TMPRSS9: variants seen among roughly 807,000 people sequenced by gnomAD.
TMPRSS9 encodes transmembrane protease serine 9.
Under a neutral mutation model 111.4 loss-of-function variants are expected in TMPRSS9, and 113 were observed. The ratio of observed to expected loss-of-function variants is 1.01; its 90% CI spans 0.87 to 1.19. TMPRSS9 has a LOEUF of 1.19. TMPRSS9 is among the 50% of genes most tolerant of loss of function. The pLI, the probability that TMPRSS9 is intolerant of heterozygous loss-of-function variation, is 0.00. For synonymous variants in TMPRSS9, 805 were observed against 659.1 expected, an observed-to-expected ratio of 1.22 and a Z score of -3.39; for missense variants, 1,803 against 1,513.1, an observed-to-expected ratio of 1.19 and a Z score of -3.18.
At position 2,420,989 on chromosome 19, in the gene TMPRSS9, G is replaced by C. The variant is rs910972997; in HGVS notation, c.2155-865G>C. Among the ~76,000 whole-genome samples, 12 of 152,212 alleles carry C rather than the reference G, an allele frequency of 7.9e-5. 1 individual carries two copies. In the South Asian group the frequency reaches 1.2e-3, roughly 16 times the overall value. ...GGAGGCCAAGGCGGGTGGATCATCTGAGGTCAGGAGTTGGAGACCAGCCTG... is the reference window on the plus strand; with the variant it reads ...GGAGGCCAAGGCGGGTGGATCATCTCAGGTCAGGAGTTGGAGACCAGCCTG... On this transcript the variant is annotated intron_variant, in intron 13 of 17. Transcript: ENST00000648592.
exon 7 of TMPRSS9, chr19:2,405,423 C>T (rs774229558): frequency 6.2e-7 from 1 of 1,607,388 alleles, no homozygotes; most frequent in Non-Finnish European, 8.5e-7. Context: ...TCGTGGGCGG[C>T]ATGGAAGCAT....
At chr19:2,410,500 A>G in intron 9 of TMPRSS9, 106 bp downstream of exon 10, 1 of 1,441,814 alleles carries the variant, frequency 6.9e-7, no homozygotes, top group Non-Finnish European at 9.3e-7. Context: ...TGAGCCCCCA[A>G]CGCCCCAGAC....
exon 15 of TMPRSS9, chr19:2,424,248 G>C: frequency 7.2e-7 from 1 of 1,388,116 alleles, no homozygotes; most frequent in African/African-American, 1.5e-5. Context: ...GCGGCGCACT[G>C]CTTCGACGTG....
chr19:2,378,485 C>T (rs1015572011), intron 1 of TMPRSS9, among the ~76,000 whole-genome samples: 29 of 151,780 alleles, frequency 1.9e-4, no homozygotes, highest in African/African-American at 6.0e-4. Flanking sequence ...TTTGGGAGGC[C>T]AAGGTGAGTG....
chr19:2,385,371 G>A (rs1450184926), upstream of TMPRSS9, among the ~76,000 whole-genome samples: 2 of 152,180 alleles, frequency 1.3e-5, no homozygotes, highest in African/African-American at 2.4e-5. Context: ...GCAGTTTCTC[G>A]CGGAAAATGG....
intron 1 of TMPRSS9, among the ~76,000 whole-genome samples, chr19:2,394,878 TTTTA>T (rs1359861499): frequency 2.6e-5 from 4 of 152,188 alleles, no homozygotes; most frequent in African/African-American, 9.7e-5. Context: ...CTCTCGTAGT[TTTTA>T]TTTAGATTTT....
At chr19:2,421,938 G>A (rs370320984) in exon 14 of TMPRSS9, 20 of 1,613,012 alleles carry the variant, frequency 1.2e-5, no homozygotes, top group South Asian at 2.2e-5. Context: ...TATTGGCTGC[G>A]CTCAGGTTAA....
Position 2,400,754 on chromosome 19 carries a change from ACC to A in TMPRSS9, c.515-1220_515-1219del, listed in dbSNP as rs1384165564. ...TTTGGGAGGCCGAGGTGGGTGGATCACCTGAGGTCAGGAGTTTGAGACCAGCC... is the reference window on the plus strand; with the variant it reads ...TTTGGGAGGCCGAGGTGGGTGGATCATGAGGTCAGGAGTTTGAGACCAGCC... On this transcript the variant is annotated intron_variant, in intron 4 of 17. Transcript: ENST00000648592. Among the ~76,000 whole-genome samples the A allele has an allele frequency of 2.0e-5, 3 of 151,534 alleles. No homozygotes were observed. The Admixed American group carries it at 2.0e-4, about 10-fold the overall frequency.
intron 13 of TMPRSS9, 69 bp from the exon 15 acceptor site, chr19:2,421,785 G>A (rs1971466974): frequency 6.7e-7 from 1 of 1,503,446 alleles, no homozygotes; most frequent in Admixed American, 2.2e-5. Flanking sequence ...AGGAACGCAG[G>A]AGGGTATGGC....
chr19:2,405,624 T>G (rs1970952760), intron 7 of TMPRSS9, 79 bp downstream of exon 8: 15 of 1,399,268 alleles, frequency 1.1e-5, no homozygotes, highest in East Asian at 2.8e-5. Flanking sequence ...GGACGTCACT[T>G]CTGGTTTCCT....
intron 4 of TMPRSS9, among the ~76,000 whole-genome samples, chr19:2,399,818 A>G (rs1198505020): frequency 6.6e-6 from 1 of 152,064 alleles, no homozygotes; most frequent in Non-Finnish European, 1.5e-5. Context: ...CCCAGGTTCA[A>G]GCAATTTTCC....
intron 1 of TMPRSS9, among the ~76,000 whole-genome samples, chr19:2,377,484 TCCC>T (rs1286521994): frequency 2.0e-4 from 3 of 14,934 alleles, no homozygotes; most frequent in African/African-American, 8.6e-4. Flanking sequence ...CTCTCCTCTC[TCCC>T]CCCCACCCCT....
chr19:2,414,429 G>A (rs1042488618), intron 10 of TMPRSS9, among the ~76,000 whole-genome samples: 6 of 151,894 alleles, frequency 4.0e-5, no homozygotes, highest in Non-Finnish European at 7.4e-5. Context: ...TAGTAGAGAC[G>A]GGGTTTCCCC....
At chr19:2,368,982 GCT>G (rs920303706) in intron 1 of TMPRSS9, among the ~76,000 whole-genome samples, 19 of 140,672 alleles carry the variant, frequency 1.4e-4, no homozygotes, top group African/African-American at 4.7e-4. Flanking sequence ...ACAGAGTTTT[GCT>G]CTCATTGTCC....
intron 1 of TMPRSS9, among the ~76,000 whole-genome samples, chr19:2,391,073 C>A (rs1219068602): frequency 1.3e-5 from 2 of 148,288 alleles, no homozygotes; most frequent in South Asian, 2.2e-4. Flanking sequence ...GGCAGGTAGG[C>A]AGGAAGGAAG....
At chr19:2,393,328 T>C (rs989807697) in intron 1 of TMPRSS9, among the ~76,000 whole-genome samples, 2 of 152,024 alleles carry the variant, frequency 1.3e-5, no homozygotes, top group Non-Finnish European at 2.9e-5. Flanking sequence ...CCAGGAGGAA[T>C]GAACAACTCC....
chr19:2,400,618 A>G (rs1358099354), intron 4 of TMPRSS9, among the ~76,000 whole-genome samples: 1 of 152,104 alleles, frequency 6.6e-6, no homozygotes, highest in Non-Finnish European at 1.5e-5. Context: ...AAAAAATAAA[A>G]AACAAAATTG....
chr19:2,390,231 G>GTTTTTTTT lies in TMPRSS9; in HGVS notation c.142+308_142+315dup, dbSNP rs1198106187. Among the ~76,000 whole-genome samples the GTTTTTTTT allele has an allele frequency of 8.0e-4, 89 of 110,584 alleles. 15 individuals carry two copies. The highest frequency in any genetic ancestry group is 3.1e-3 in the African/African-American group (86 of 27,942). 72.5% of individuals were successfully genotyped at this position (110,584 alleles called of 152,430 possible). On this transcript the variant is annotated intron_variant, in intron 1 of 17. Transcript: ENST00000648592. ...GCAAATCAGCAAAATACCCAAAGTA[G>GTTTTTTTT]TTTTTTTTTTTGTTTTTTTTTTTTT...
intron 13 of TMPRSS9, 22 bp from the exon 15 acceptor site, chr19:2,421,832 G>T: frequency 1.9e-6 from 3 of 1,571,724 alleles, no homozygotes; most frequent in Non-Finnish European, 2.6e-6. Flanking sequence ...GGACCAACCA[G>T]TGCTCTTTCC....
Sources: allele counts gnomAD v4.1 joint callset (sites outside exome capture counted in the v4.1 genomes callset), GRCh38; gene constraint gnomAD v4.1.1; transcripts MANE v1.5; gene names NCBI Gene and HGNC (gene_info 2026-07-23, HGNC 2026-07-21).